Variants in LRRC53 observed in about 807,000 individuals in gnomAD.
The protein encoded by LRRC53 is leucine-rich repeat-containing protein 53.
In LRRC53, 25 loss-of-function variants were observed where a neutral mutation model predicts 13.6. That is an observed-to-expected ratio of 1.83 (90% CI 1.34 to 2.56). The LOEUF (loss-of-function observed/expected upper bound fraction) is 2.56, where lower values mean the gene tolerates loss of function less well. Ranked by LOEUF, LRRC53 falls within the 30% of genes most tolerant of loss-of-function variation. The probability of loss-of-function intolerance (pLI) is 0.00; values close to 1 mark genes in which losing one functional copy is unlikely to be tolerated. For synonymous variants in LRRC53, 204 were observed against 109.8 expected, an observed-to-expected ratio of 1.86 and a Z score of -5.37; for missense variants, 527 against 275.8, an observed-to-expected ratio of 1.91 and a Z score of -6.45.
At chr1:74,512,471 G>A (rs1670278269) in intron 1 of LRRC53, 55 bp downstream of exon 1, 1 of 152,042 alleles carries the variant, frequency 6.6e-6, no homozygotes, top group Non-Finnish European at 1.5e-5. Flanking sequence ...GAGAAATAAA[G>A]GTGTAAAAAT....
In LRRC53 at chr1:74,475,536, T is replaced by C. The variant is rs534477831; in HGVS notation, c.1179A>G (p.Ala393=). The C allele has an allele frequency of 3.6e-5, 26 of 717,458 alleles. No homozygotes were observed. The African/African-American group carries it at 4.0e-4, about 11-fold the overall frequency. 44.4% of individuals were successfully genotyped at this position (717,458 alleles called of 1,614,324 possible). The change falls in exon 4 of 5, where the codon GCA becomes GCG. Residue 393 remains alanine (A), a synonymous_variant. Transcript: ENST00000294635. ...SHQATSASES[A]TLDGSFRNLK... ...GGTTTCTAAATGATCCGTCAAGGGT[T>C]GCAGACTCAGAGGCCGATGTTGCTT... is the stretch of plus-strand genomic sequence containing the variant.
chr1:74,514,573 G>C (rs551437835), upstream of LRRC53, among the ~76,000 whole-genome samples: 3 of 152,046 alleles, frequency 2.0e-5, no homozygotes, highest in Non-Finnish European at 4.4e-5. Flanking sequence ...TATTTGCTAG[G>C]TAGATATTAT....
Position 74,471,208 on chromosome 1 carries a change from C to A in LRRC53, c.2414G>T (p.Arg805Leu). The A allele has an allele frequency of 2.5e-6, 1 of 400,586 alleles. No homozygotes were observed. 24.8% of individuals were successfully genotyped at this position (400,586 alleles called of 1,614,324 possible). ...GTTGTTAGCACTGAGCAGGGGGGCA[C>A]GTTTAGTGTTTCGTTGATAATATGG... ...QTPYYQRNTK[R>L]APLLSANNLR... The change falls in exon 5 of 5, where the codon CGT (arginine) becomes CTT (leucine). Residue 805 changes from arginine to leucine, a missense_variant. By Grantham distance (102) the Arg-to-Leu change is moderately radical (BLOSUM62 -2). Coordinates refer to ENST00000294635, the MANE Select transcript of LRRC53 (RefSeq NM_001382280.1).
rs72979414 is a variant in LRRC53 at position 74,504,805 on chromosome 1, G to A, written c.-27+7721C>T. The stretch of plus-strand genomic sequence containing the variant: ...TGTAATTTCGTGTTCTTTTCTATCC[G>A]TCAGCAGTGCTTGTTAGCGACCTAA... On this transcript the variant is annotated intron_variant, in intron 1 of 4. Transcript: ENST00000294635. Among the ~76,000 whole-genome samples the A allele has an allele frequency of 1.3e-3, 203 of 152,182 alleles. 2 individuals are homozygous for A. The highest frequency in any genetic ancestry group is 4.6e-3 in the African/African-American group (192 of 41,538).
In LRRC53 at chr1:74,483,070, A is replaced by G. The variant is rs3765677; in HGVS notation, c.88+192T>C. ...CTCAGTTACCTCTGAAGGTCTTTAA[A>G]TAGTTTTGATTGAGACCATCAGGAA... is the stretch of plus-strand genomic sequence containing the variant. On this transcript the variant is annotated intron_variant, in intron 2 of 4. Transcript: ENST00000294635. Among the ~76,000 whole-genome samples, 617 of 152,324 alleles carry G rather than the reference A, an allele frequency of 4.1e-3. 28 individuals carry two copies. The East Asian group carries it at 0.1, about 25-fold the overall frequency.
chr1:74,532,958 A>G, the LRRC53 span, among the ~76,000 whole-genome samples: 2 of 152,336 alleles, frequency 1.3e-5, no homozygotes, highest in African/African-American at 4.8e-5. Flanking sequence ...AAACCATAAA[A>G]GCCCTAGAAT....
intron 1 of LRRC53, among the ~76,000 whole-genome samples, chr1:74,504,554 G>T (rs1479340223): frequency 1.3e-5 from 2 of 152,008 alleles, no homozygotes; most frequent in African/African-American, 4.8e-5. Context: ...AAAATATTCT[G>T]TTCAAAAGAG....
the LRRC53 span, among the ~76,000 whole-genome samples, chr1:74,519,541 C>G: frequency 1.6e-5 from 2 of 125,960 alleles, no homozygotes; most frequent in Admixed American, 7.3e-5. Context: ...CTCTCCAGCA[C>G]CTGTTGTTTC....
chr1:74,479,245 G>A (rs760919762), intron 3 of LRRC53, among the ~76,000 whole-genome samples: 1 of 152,034 alleles, frequency 6.6e-6, no homozygotes, highest in African/African-American at 2.4e-5. Flanking sequence ...CACACACATC[G>A]AGCTAGATAA....
intron 1 of LRRC53, among the ~76,000 whole-genome samples, chr1:74,488,610 A>T (rs1668884947): frequency 6.6e-6 from 1 of 152,200 alleles, no homozygotes; most frequent in South Asian, 2.1e-4. Context: ...TATATTTGGA[A>T]TAAACTTTTT....
chr1:74,526,117 T>C, the LRRC53 span, among the ~76,000 whole-genome samples: 1 of 152,316 alleles, frequency 6.6e-6, no homozygotes, highest in East Asian at 1.9e-4. Context: ...TTTGTGAAGA[T>C]CAATGTTCTG....
intron 2 of LRRC53, among the ~76,000 whole-genome samples, chr1:74,482,805 T>TA (rs948413559): frequency 6.6e-6 from 1 of 152,104 alleles, no homozygotes; most frequent in African/African-American, 2.4e-5. Context: ...TTACCACCAA[T>TA]AAAAAAAGAC....
At chr1:74,507,164 A>G (rs1165610701) in intron 1 of LRRC53, among the ~76,000 whole-genome samples, 2 of 152,014 alleles carry the variant, frequency 1.3e-5, no homozygotes, top group Non-Finnish European at 1.5e-5. Context: ...AGTTCTTTAA[A>G]TATAGGTCCA....
rs1200407893 is a variant in LRRC53 at position 74,470,432 on chromosome 1, C to A, written c.3190G>T (p.Ala1064Ser). The stretch of plus-strand genomic sequence containing the variant: ...TCAGTGCCGTCATTTCTGGGCAATG[C>A]ATTTGTGCTGTCAATTCCTTTTTCG... The part of the protein sequence containing the change: ...SSEKGIDSTN[A>S]LPRNDGTEAL... Residue 1064 changes from alanine (A) to serine (S), a missense_variant, in exon 5 of 5, where the codon GCA becomes TCA. Coordinates refer to ENST00000294635, the MANE Select transcript of LRRC53 (RefSeq NM_001382280.1). The A allele has an allele frequency of 7.5e-6, 3 of 400,546 alleles. No homozygotes were observed. The highest frequency in any genetic ancestry group is 3.6e-5 in the East Asian group (1 of 28,070). 24.8% of individuals were successfully genotyped at this position (400,546 alleles called of 1,614,324 possible).
Position 74,492,173 on chromosome 1 carries a change from G to C in LRRC53, c.-26-8798C>G, listed in dbSNP as rs144507273. ...TCTTCTGATTGCCTGGTGAACCGGG[G>C]AGGACCTGGCCGGAGTCATGTGGCA... is the stretch of plus-strand genomic sequence containing the variant. On this transcript the variant is annotated intron_variant, in intron 1 of 4. Transcript: ENST00000294635. The C allele has an allele frequency of 6.2e-7, 1 of 1,613,218 alleles. No homozygotes were observed. The highest frequency in any genetic ancestry group is 8.5e-7 in the Non-Finnish European group (1 of 1,179,352).
At chr1:74,510,159 T>C (rs1219322952) in intron 1 of LRRC53, among the ~76,000 whole-genome samples, 2 of 130,718 alleles carry the variant, frequency 1.5e-5, no homozygotes, top group Non-Finnish European at 3.0e-5. Flanking sequence ...TCTTACCCCC[T>C]GATTTTTACT....
the LRRC53 span, among the ~76,000 whole-genome samples, chr1:74,525,027 A>T: frequency 6.6e-6 from 1 of 152,342 alleles, no homozygotes; most frequent in Middle Eastern, 3.4e-3. Flanking sequence ...AGCATGGGCT[A>T]TGAGCTGGAC....
At chr1:74,475,865 A>G (rs561400933) in intron 3 of LRRC53, 55 bp from the exon 4 acceptor site, 84 of 540,276 alleles carry the variant, frequency 1.6e-4, no homozygotes, top group South Asian at 9.0e-4. Flanking sequence ...AAACACATAA[A>G]TCATCAAATG....
At position 74,500,603 on chromosome 1, in the gene LRRC53, C is replaced by CAAAAAAAAA. The variant is rs561290319; in HGVS notation, c.-27+11914_-27+11922dup. ...TGGGCGACAGAGCGAGACTCCGTCT[C>CAAAAAAAAA]AAAAAAAAAAAAAAAAAAAAAAAAA... On this transcript the variant is annotated intron_variant, in intron 1 of 4. Transcript: ENST00000294635. Among the ~76,000 whole-genome samples, 8 of 43,290 alleles carry CAAAAAAAAA rather than the reference C, an allele frequency of 1.8e-4. 1 individual carries two copies. The highest frequency in any genetic ancestry group is 3.4e-4 in the Non-Finnish European group (8 of 23,248). The allele number at this position is 43,290 out of a possible 152,430, so 28.4% of individuals were successfully genotyped here. A position where few individuals can be genotyped will look rare whatever the true frequency, so the allele number is the denominator to read the frequency against.
Sources: allele counts gnomAD v4.1 joint callset (sites outside exome capture counted in the v4.1 genomes callset), GRCh38; gene constraint gnomAD v4.1.1; transcripts MANE v1.5; gene names NCBI Gene and HGNC (gene_info 2026-07-23, HGNC 2026-07-21).